LGSN: variants seen among roughly 807,000 people sequenced by gnomAD.
LGSN encodes the protein lengsin, lens protein with glutamine synthetase domain.
Under a neutral mutation model 19.5 loss-of-function variants are expected in LGSN, and 21 were observed. The ratio of observed to expected loss-of-function variants is 1.07; its 90% CI spans 0.76 to 1.55. The LOEUF is 1.55. LGSN is among the 40% of genes most tolerant of loss of function. The pLI is 0.00. For synonymous variants in LGSN, 257 were observed against 215.6 expected (o/e 1.19, Z -1.68); for missense variants, 673 against 608.5 (o/e 1.11, Z -1.12).
the LGSN span, among the ~76,000 whole-genome samples, chr6:63,338,799 C>A: frequency 6.6e-6 from 1 of 152,056 alleles, no homozygotes; most frequent in Non-Finnish European, 1.5e-5. Context: ...GTAATGTCAG[C>A]ATTTATTGCT....
intron 1 of LGSN, among the ~76,000 whole-genome samples, chr6:63,306,254 A>G (rs1723521): frequency 0.012 from 1,816 of 152,298 alleles, 22 homozygotes; most frequent in African/African-American, 0.041. Flanking sequence ...GTTCAAGGTC[A>G]TATCTGAGGA....
the LGSN span, among the ~76,000 whole-genome samples, chr6:63,521,393 T>A: frequency 6.6e-6 from 1 of 152,138 alleles, no homozygotes; most frequent in Non-Finnish European, 1.5e-5. Context: ...TTCTCCCCAA[T>A]CTAATTATTT....
the LGSN span, among the ~76,000 whole-genome samples, chr6:63,475,914 GC>G: frequency 6.6e-6 from 1 of 152,204 alleles, no homozygotes; most frequent in Non-Finnish European, 1.5e-5. Context: ...ATCAAAGGCA[GC>G]CCTTCAGAGG....
At chr6:63,293,714 G>T (rs866829717) in intron 2 of LGSN, 1 of 456,372 alleles carries the variant, frequency 2.2e-6, no homozygotes, top group Non-Finnish European at 4.4e-6. Context: ...TTGTTGTTCT[G>T]GGGGGCAAAG....
chr6:63,371,340 A>C, the LGSN span, among the ~76,000 whole-genome samples: 1 of 152,228 alleles, frequency 6.6e-6, no homozygotes, highest in African/African-American at 2.4e-5. Context: ...TTCTATCAAC[A>C]CTTTTATAAA....
intron 2 of LGSN, 39 bp downstream of exon 2, chr6:63,294,874 T>G: frequency 1.2e-6 from 2 of 1,608,500 alleles, no homozygotes; most frequent in Admixed American, 1.7e-5. Flanking sequence ...AGATTGCCTC[T>G]GACCACACCA....
At chr6:63,572,516 C>T in the LGSN span, 1 of 391,776 alleles carries the variant, frequency 2.6e-6, no homozygotes, top group East Asian at 3.6e-5. Flanking sequence ...GGCTGCGGGC[C>T]GGCTCGGCTA....
the LGSN span, among the ~76,000 whole-genome samples, chr6:63,530,358 T>G: frequency 6.6e-6 from 1 of 152,096 alleles, no homozygotes; most frequent in African/African-American, 2.4e-5. Context: ...AATATTAAAT[T>G]TATATGATGG....
rs115712983 is a variant in LGSN, at chr6:63,316,010, A to G, written c.30+3904T>C. On this transcript the variant is annotated intron_variant, in intron 1 of 3. Coordinates refer to ENST00000370657, the MANE Select transcript of LGSN (RefSeq NM_016571.3). ...GAATCAGAATTTTACTTAATATAATAAGCCCAAAATGGAATGGGTTATTTG... is the reference window on the plus strand; with the variant it reads ...GAATCAGAATTTTACTTAATATAATGAGCCCAAAATGGAATGGGTTATTTG... Among the ~76,000 whole-genome samples, 448 of 152,202 alleles carry G rather than the reference A, an allele frequency of 2.9e-3. 3 individuals carry two copies. Among genetic ancestry groups the G allele is most frequent in the African/African-American group, 0.01 (424 of 41,562 alleles).
chr6:63,444,876 A>G, the LGSN span, among the ~76,000 whole-genome samples: 74 of 152,256 alleles, frequency 4.9e-4, no homozygotes, highest in Middle Eastern at 0.01. Flanking sequence ...CTTGAGTCCA[A>G]TTCCCTCTGT....
At chr6:63,443,422 C>T in the LGSN span, 18 of 163,846 alleles carry the variant, frequency 1.1e-4, no homozygotes, top group East Asian at 3.0e-3. Flanking sequence ...TCCTCAAGTG[C>T]GGCCAGAGCA....
At chr6:63,331,555 G>A in the LGSN span, among the ~76,000 whole-genome samples, 1 of 151,908 alleles carries the variant, frequency 6.6e-6, no homozygotes, top group Non-Finnish European at 1.5e-5. Context: ...GGTTTATTTT[G>A]TTTCTCCCCC....
At chr6:63,366,670 T>C in the LGSN span, among the ~76,000 whole-genome samples, 4 of 152,070 alleles carry the variant, frequency 2.6e-5, no homozygotes, top group South Asian at 2.1e-4. Flanking sequence ...GGAGGCATCA[T>C]GCTACCTGAC....
At chr6:63,526,497 G>A in the LGSN span, among the ~76,000 whole-genome samples, 1 of 150,578 alleles carries the variant, frequency 6.6e-6, no homozygotes, top group Non-Finnish European at 1.5e-5. Flanking sequence ...TCCGCAAGCA[G>A]AACAAAAATA....
chr6:63,508,618 G>A, the LGSN span, among the ~76,000 whole-genome samples: 1 of 152,006 alleles, frequency 6.6e-6, no homozygotes, highest in Non-Finnish European at 1.5e-5. Flanking sequence ...AGATGGTTAT[G>A]TTATAAGAGT....
chr6:63,365,766 T>G, the LGSN span, among the ~76,000 whole-genome samples: 1 of 152,344 alleles, frequency 6.6e-6, no homozygotes, highest in East Asian at 1.9e-4. Flanking sequence ...ATCCCTGGGA[T>G]GCAAGGCTGG....
intron 1 of LGSN, among the ~76,000 whole-genome samples, chr6:63,300,235 C>T (rs1286244358): frequency 4.6e-5 from 7 of 152,222 alleles, no homozygotes; most frequent in Non-Finnish European, 1.0e-4. Context: ...TGACTCTACA[C>T]CTGGTGTGTA....
the LGSN span, among the ~76,000 whole-genome samples, chr6:63,354,738 G>A: frequency 2.0e-5 from 3 of 151,970 alleles, no homozygotes; most frequent in African/African-American, 4.8e-5. Flanking sequence ...ATCAACCTGT[G>A]TTCATCAACA....
the LGSN span, among the ~76,000 whole-genome samples, chr6:63,400,969 G>A: frequency 1.3e-5 from 2 of 152,090 alleles, no homozygotes; most frequent in Non-Finnish European, 2.9e-5. Context: ...ACTCCAGCCT[G>A]GATGACAAGA....
Sources: gnomAD v4.1 joint callset for allele counts (sites outside exome capture counted in the v4.1 genomes callset) on GRCh38, gnomAD v4.1.1 for gene constraint, MANE v1.5 for transcripts, NCBI Gene and HGNC (gene_info 2026-07-23, HGNC 2026-07-21) for gene names.